Variants in TMEM132B observed in about 807,000 individuals in gnomAD.
TMEM132B encodes the protein transmembrane protein 132B.
In TMEM132B, 18 loss-of-function variants were observed where a neutral mutation model predicts 90.8. The ratio of observed to expected loss-of-function variants is 0.20; its 90% CI spans 0.14 to 0.29. The LOEUF (loss-of-function observed/expected upper bound fraction) is 0.29, where lower values mean the gene tolerates loss of function less well. TMEM132B is among the 10% of genes least tolerant of loss of function. The pLI, the probability that TMEM132B is intolerant of heterozygous loss-of-function variation, is 1.00. For missense variants in TMEM132B, 1,096 were observed against 1,326.8 expected (o/e 0.83, Z 2.70); for synonymous variants, 504 against 523.3 (o/e 0.96, Z 0.50).
intron 4 of TMEM132B, among the ~76,000 whole-genome samples, chr12:125,559,466 A>G (rs1033172041): frequency 6.6e-6 from 1 of 152,220 alleles, no homozygotes; most frequent in Admixed American, 6.5e-5. Flanking sequence ...AGTAATAAGA[A>G]AAATATCCCA....
intron 1 of TMEM132B, among the ~76,000 whole-genome samples, chr12:125,273,455 C>A (rs973930533): frequency 6.6e-6 from 1 of 152,074 alleles, no homozygotes; most frequent in African/African-American, 2.4e-5. Context: ...GGCATGGTTG[C>A]TCATGCCTGT....
Position 125,485,000 on chromosome 12 carries a change from T to A in TMEM132B, c.1107-34439T>A, listed in dbSNP as rs1242456895. On this transcript the variant is annotated intron_variant, in intron 3 of 8. Transcript: ENST00000682704. ...TCAAGTTAGAATCAGTGCCTGTTGC[T>A]TACAACCAAAGATCACTAATGGATT... Among the ~76,000 whole-genome samples, 5 of 152,282 alleles carry A rather than the reference T, an allele frequency of 3.3e-5. No individual in the cohort carries two copies. In the East Asian group the frequency reaches 9.7e-4, roughly 29 times the overall value.
Position 125,654,354 on chromosome 12 carries a change from A to G in TMEM132B, c.2896A>G (p.Ile966Val). 1 of 1,612,906 alleles carries G rather than the reference A, an allele frequency of 6.2e-7. No individual in the cohort carries two copies. The highest frequency in any genetic ancestry group is 8.5e-7 in the Non-Finnish European group (1 of 1,180,036). ...EVELLENPVDITLPSEECTTM... is the reference protein window; with the variant it reads ...EVELLENPVDVTLPSEECTTM... ...GGAACTTTTGGAGAACCCTGTTGAC[A>G]TTACACTCCCATCAGAGGAGTGCAC... Residue 966 changes from isoleucine to valine, a missense_variant, in exon 9 of 9, where the codon ATT becomes GTT. By Grantham distance (29) the Ile-to-Val change is conservative. Transcript: ENST00000682704. This position sits in a 1 kb window ranked among gnomAD's most constrained non-coding sequence, Gnocchi z 5.8.
In TMEM132B at chr12:125,542,703, A is replaced by G. The variant is rs73414398; in HGVS notation, c.1293+23078A>G. ...GAATACTATTCCATTATATGTGAGT[A>G]GACCACATCTTGCTTATCCATTCAT... On this transcript the variant is annotated intron_variant, in intron 4 of 8. Coordinates refer to ENST00000682704, the MANE Select transcript of TMEM132B (RefSeq NM_001366854.1). 5.8e-3 allele frequency among the ~76,000 whole-genome samples: 883 copies of G among 152,368 alleles called. 9 individuals are homozygous for G. Among genetic ancestry groups the G allele is most frequent in the African/African-American group, 0.02 (814 of 41,588 alleles).
At position 125,584,262 on chromosome 12, in the gene TMEM132B, T is replaced by C. The variant is rs1885125875; in HGVS notation, c.1437+268T>C. 1.1e-5 allele frequency: 5 copies of C among 470,290 alleles called. No homozygotes were observed. In the Admixed American group the frequency reaches 1.7e-4, roughly 16 times the overall value. The allele number at this position is 470,290 out of a possible 1,614,324, so 29.1% of individuals were successfully genotyped here. A position where few individuals can be genotyped will look rare whatever the true frequency, so the allele number is the denominator to read the frequency against. ...GAAAGAATTTATTCTCCTCCCCTTC[T>C]TGTCTCCCCTATTCTTCTCTCTATC... On this transcript the variant is annotated intron_variant, in intron 5 of 8. Transcript: ENST00000682704.
rs187672853 is a variant in TMEM132B, at chr12:125,292,716, A to G, written c.68-56736A>G. 2.0e-3 allele frequency among the ~76,000 whole-genome samples: 305 copies of G among 152,328 alleles called. 1 individual carries two copies. Among genetic ancestry groups the G allele is most frequent in the African/African-American group, 7.1e-3 (296 of 41,574 alleles). On this transcript the variant is annotated intron_variant, in intron 1 of 8. Transcript: ENST00000682704. ...GCTACCCCTTCAGGAGTGACCTGTGACAATCCAAATTTATGTCATTCGTAT... is the reference window on the plus strand; with the variant it reads ...GCTACCCCTTCAGGAGTGACCTGTGGCAATCCAAATTTATGTCATTCGTAT...
chr12:125,299,622 C>T (rs1875766427), intron 1 of TMEM132B, among the ~76,000 whole-genome samples: 2 of 152,200 alleles, frequency 1.3e-5, no homozygotes, highest in African/African-American at 2.4e-5. Context: ...AGAAGCAGCA[C>T]CTCATTGCTC....
At chr12:125,651,576 A>G (rs1886924989) in intron 7 of TMEM132B, among the ~76,000 whole-genome samples, 1 of 152,232 alleles carries the variant, frequency 6.6e-6, no homozygotes. Context: ...AGCTGGATGA[A>G]ACATGGTATG....
chr12:125,320,579 G>T (rs1876400917), intron 1 of TMEM132B, among the ~76,000 whole-genome samples: 1 of 152,128 alleles, frequency 6.6e-6, no homozygotes, highest in South Asian at 2.1e-4. Flanking sequence ...AGGTTTGTTT[G>T]CTCTATGAAG....
chr12:125,484,889 G>C (rs1225441535), intron 3 of TMEM132B, among the ~76,000 whole-genome samples: 1 of 152,124 alleles, frequency 6.6e-6, no homozygotes, highest in Non-Finnish European at 1.5e-5. Context: ...ACAGGTGTGA[G>C]CCACTGCACC....
Position 125,460,421 on chromosome 12 carries a change from G to A in TMEM132B, c.1106+44744G>A, listed in dbSNP as rs1275475552. On this transcript the variant is annotated intron_variant, in intron 3 of 8. Coordinates refer to ENST00000682704, the MANE Select transcript of TMEM132B (RefSeq NM_001366854.1). The surrounding 1 kb of genome is among the most constrained non-coding windows in gnomAD (Gnocchi z 4.4). ...GCAGGACAATTGCTTGAACCCAGGAGGTGGAGGTTGCAGTGAGCCGAGATC... is the reference window on the plus strand; with the variant it reads ...GCAGGACAATTGCTTGAACCCAGGAAGTGGAGGTTGCAGTGAGCCGAGATC... 6.6e-6 allele frequency among the ~76,000 whole-genome samples: 1 copy of A among 152,098 alleles called. No individual in the cohort carries two copies. The highest frequency in any genetic ancestry group is 1.5e-5 in the Non-Finnish European group (1 of 68,040).
chr12:125,517,155 TTC>T (rs1162369201), intron 3 of TMEM132B, among the ~76,000 whole-genome samples: 2 of 150,702 alleles, frequency 1.3e-5, no homozygotes, highest in Non-Finnish European at 1.5e-5. Flanking sequence ...AACACACATT[TTC>T]TCTCTCTCTC....
chr12:125,562,799 T>C (rs116790319), intron 4 of TMEM132B, among the ~76,000 whole-genome samples: 140 of 152,258 alleles, frequency 9.2e-4, no homozygotes, highest in African/African-American at 3.2e-3. Flanking sequence ...CCTGCTGCCA[T>C]GTAAGACATG....
chr12:125,592,159 TTA>T (rs1259443394), intron 5 of TMEM132B, among the ~76,000 whole-genome samples: 6 of 152,236 alleles, frequency 3.9e-5, no homozygotes, highest in African/African-American at 1.4e-4. Context: ...CATACTGTAA[TTA>T]TGATTTAATC....
At chr12:125,373,721 C>T (rs1180909241) in intron 2 of TMEM132B, among the ~76,000 whole-genome samples, 2 of 152,162 alleles carry the variant, frequency 1.3e-5, no homozygotes, top group African/African-American at 2.4e-5. Context: ...TTACCCTTGT[C>T]CCCTCCCCTT....
At chr12:125,226,842 T>C (rs11058078) in intron 1 of TMEM132B, among the ~76,000 whole-genome samples, 5,464 of 152,256 alleles carry the variant, frequency 0.036, 129 homozygotes, top group Non-Finnish European at 0.049. Flanking sequence ...ATGTCACATT[T>C]TAGAGGGAGA....
intron 2 of TMEM132B, among the ~76,000 whole-genome samples, chr12:125,369,833 G>C (rs1355461730): frequency 6.6e-6 from 1 of 152,184 alleles, no homozygotes; most frequent in Non-Finnish European, 1.5e-5. Context: ...CGGATCACCT[G>C]AGGTCAGGAG....
At chr12:125,524,597 A>G (rs886780453) in intron 4 of TMEM132B, among the ~76,000 whole-genome samples, 11 of 152,248 alleles carry the variant, frequency 7.2e-5, no homozygotes, top group African/African-American at 2.4e-4. Context: ...ATGATATACT[A>G]AGGTAAAGTG....
At chr12:125,563,210 A>G (rs1213935685) in intron 4 of TMEM132B, among the ~76,000 whole-genome samples, 1 of 151,428 alleles carries the variant, frequency 6.6e-6, no homozygotes, top group East Asian at 1.9e-4. Flanking sequence ...TAATTTTGGG[A>G]ATTACCAAAA....
Sources: allele counts gnomAD v4.1 joint callset (sites outside exome capture counted in the v4.1 genomes callset), GRCh38; gene constraint gnomAD v4.1.1; non-coding constraint Gnocchi (gnomAD v3.1); transcripts MANE v1.5; gene names NCBI Gene and HGNC (gene_info 2026-07-23, HGNC 2026-07-21).